Variants in NRXN1 observed in about 807,000 individuals in gnomAD.
The protein encoded by NRXN1 is neurexin-1.
In NRXN1, 39 loss-of-function variants were observed where a neutral mutation model predicts 150.9. The ratio of observed to expected loss-of-function variants is 0.26; its 90% CI spans 0.20 to 0.34. NRXN1 has a LOEUF of 0.34. Among genes scored for constraint, NRXN1 ranks in the 10% least tolerant of loss-of-function variants. The pLI is 1.00. For missense variants in NRXN1, 1,815 were observed against 1,949.9 expected (o/e 0.93, Z 1.30); for synonymous variants, 924 against 757.0 (o/e 1.22, Z -3.62).
chr2:50,039,700 A>G (rs1690625034), intron 21 of NRXN1, among the ~76,000 whole-genome samples: 1 of 152,176 alleles, frequency 6.6e-6, no homozygotes, highest in Non-Finnish European at 1.5e-5. Context: ...AGGGAAAGAG[A>G]TAAGGTTTGA....
At chr2:50,829,653 G>T (rs1383602662) in intron 5 of NRXN1, 6 of 1,611,698 alleles carry the variant, frequency 3.7e-6, no homozygotes, top group Non-Finnish European at 5.1e-6. Context: ...GTTGGTACGG[G>T]ACGGCATCAT....
intron 5 of NRXN1, among the ~76,000 whole-genome samples, chr2:50,690,587 G>A (rs1189941701): frequency 6.6e-6 from 1 of 152,174 alleles, no homozygotes; most frequent in Non-Finnish European, 1.5e-5. Context: ...ATGGGTTTGA[G>A]AATAAGTGTA....
intron 17 of NRXN1, among the ~76,000 whole-genome samples, chr2:50,453,406 T>C (rs1451958746): frequency 6.6e-6 from 1 of 152,196 alleles, no homozygotes; most frequent in East Asian, 1.9e-4. Context: ...TTAGTCTAAT[T>C]ACCTTCTTTT....
intron 17 of NRXN1, among the ~76,000 whole-genome samples, chr2:50,425,096 G>GA (rs1199625625): frequency 2.6e-5 from 4 of 152,214 alleles, no homozygotes; most frequent in Non-Finnish European, 4.4e-5. Context: ...CATTTTGCCA[G>GA]AAAAATAAAA....
At chr2:50,233,673 A>G (rs945770900) in intron 18 of NRXN1, among the ~76,000 whole-genome samples, 3 of 152,122 alleles carry the variant, frequency 2.0e-5, no homozygotes, top group African/African-American at 7.2e-5. Context: ...TTGAAGTTTA[A>G]TGGATAATGA....
chr2:49,970,066 C>T (rs1214974181), intron 21 of NRXN1: 2 of 152,030 alleles, frequency 1.3e-5, no homozygotes, highest in African/African-American at 2.4e-5. Context: ...AAGTCATTCC[C>T]ACCATGATAA....
chr2:49,950,162 G>T (rs1450423976), intron 21 of NRXN1, among the ~76,000 whole-genome samples: 1 of 151,818 alleles, frequency 6.6e-6, no homozygotes, highest in Non-Finnish European at 1.5e-5. Context: ...GTGTATATAG[G>T]TATATGATTC....
At chr2:49,975,781 C>T (rs1678859979) in intron 21 of NRXN1, among the ~76,000 whole-genome samples, 1 of 152,094 alleles carries the variant, frequency 6.6e-6, no homozygotes. Flanking sequence ...TAGCCCCAAA[C>T]TAGAAACCAC....
chr2:50,683,646 A>AAAAAAAAAAAAATATATATATATAT, intron 5 of NRXN1, among the ~76,000 whole-genome samples: 19 of 14,900 alleles, frequency 1.3e-3, no homozygotes, highest in Non-Finnish European at 1.7e-3. Context: ...AAAAAAAAAA[A>AAAAAAAAAAAAATATATATATATAT]ATATATATAT....
At chr2:50,056,841 T>C (rs902921301) in intron 19 of NRXN1, among the ~76,000 whole-genome samples, 4 of 152,186 alleles carry the variant, frequency 2.6e-5, no homozygotes, top group Admixed American at 6.6e-5. Context: ...CTTTGCTCTA[T>C]AGTCTTATTT....
chr2:50,251,399 A>G (rs1027360234), intron 17 of NRXN1, among the ~76,000 whole-genome samples: 26 of 152,070 alleles, frequency 1.7e-4, no homozygotes, highest in African/African-American at 6.3e-4. Flanking sequence ...CCATAGTGTA[A>G]TGTATCACAT....
At chr2:50,657,684 A>G (rs952551832) in intron 5 of NRXN1, among the ~76,000 whole-genome samples, 2 of 152,038 alleles carry the variant, frequency 1.3e-5, no homozygotes, top group Non-Finnish European at 2.9e-5. Flanking sequence ...TAGACATGAG[A>G]TAAGAGTTCT....
intron 15 of NRXN1, among the ~76,000 whole-genome samples, chr2:50,483,645 A>G (rs2090643984): frequency 6.6e-6 from 1 of 152,186 alleles, no homozygotes; most frequent in South Asian, 2.1e-4. Flanking sequence ...AAGTTTAGTT[A>G]CCTGCCCAGG....
chr2:50,695,228 T>A (rs1692649297), intron 5 of NRXN1, among the ~76,000 whole-genome samples: 1 of 152,152 alleles, frequency 6.6e-6, no homozygotes, highest in African/African-American at 2.4e-5. Flanking sequence ...TTGGTATTTG[T>A]ACTTGAGATT....
At chr2:50,793,151 A>G (rs1462925730) in intron 5 of NRXN1, among the ~76,000 whole-genome samples, 2 of 152,192 alleles carry the variant, frequency 1.3e-5, no homozygotes, top group African/African-American at 2.4e-5. Context: ...AAAGTTTGTT[A>G]GAGGTCTCCA....
chr2:50,629,690 A>T (rs958137701), intron 5 of NRXN1, among the ~76,000 whole-genome samples: 1 of 151,718 alleles, frequency 6.6e-6, no homozygotes, highest in Non-Finnish European at 1.5e-5. Flanking sequence ...CTTCCTGATT[A>T]ATAAGATGAT....
At chr2:50,999,662 G>A (rs1018766548) in intron 2 of NRXN1, among the ~76,000 whole-genome samples, 2 of 151,892 alleles carry the variant, frequency 1.3e-5, no homozygotes, top group Non-Finnish European at 2.9e-5. Flanking sequence ...GGTGAATTTC[G>A]ACTGATAGGG....
chr2:50,917,011 T>G (rs907506926), intron 5 of NRXN1: 2 of 151,728 alleles, frequency 1.3e-5, no homozygotes, highest in African/African-American at 4.8e-5. Flanking sequence ...GCCTTCTATG[T>G]GTACTGTATA....
At chr2:50,026,480 A>C (rs927825454) in intron 21 of NRXN1, among the ~76,000 whole-genome samples, 1 of 152,136 alleles carries the variant, frequency 6.6e-6, no homozygotes, top group Non-Finnish European at 1.5e-5. Flanking sequence ...TCATGTCATC[A>C]GATCTGGCAA....
Sources: allele counts gnomAD v4.1 joint callset (sites outside exome capture counted in the v4.1 genomes callset), GRCh38; gene constraint gnomAD v4.1.1; transcripts MANE v1.5; gene names NCBI Gene and HGNC (gene_info 2026-07-23, HGNC 2026-07-21).